CHM: variants seen among roughly 807,000 people sequenced by gnomAD.
The protein encoded by CHM is rab proteins geranylgeranyltransferase component A 1.
CHM carries 10 observed loss-of-function variants against 49.0 expected under a neutral mutation model. That is an observed-to-expected ratio of 0.20 (90% CI 0.13 to 0.35). The LOEUF (loss-of-function observed/expected upper bound fraction) is 0.35. CHM is among the 10% of genes least tolerant of loss of function. The probability of loss-of-function intolerance (pLI) is 1.00; values close to 1 mark genes in which losing one functional copy is unlikely to be tolerated. For synonymous variants in CHM, 184 were observed against 167.5 expected (o/e 1.10, Z -0.76); for missense variants, 455 against 478.4 (o/e 0.95, Z 0.46).
chrX:85,920,777 C>T (rs1421370118), intron 8 of CHM, among the ~76,000 whole-genome samples: 1 of 111,934 alleles, frequency 8.9e-6, no homozygotes, highest in African/African-American at 3.3e-5. Flanking sequence ...AGAGGTTTCT[C>T]TGTTAACCAT....
At chrX:86,008,795 G>C (rs1004828904) in intron 2 of CHM, among the ~76,000 whole-genome samples, 2 of 111,937 alleles carry the variant, frequency 1.8e-5, no homozygotes, top group Non-Finnish European at 3.8e-5. Flanking sequence ...ATACAAAAAT[G>C]AATGGACATG....
chrX:86,017,800 A>G (rs1389928143), intron 2 of CHM, among the ~76,000 whole-genome samples: 1 of 112,017 alleles, frequency 8.9e-6, no homozygotes, highest in East Asian at 2.8e-4. Context: ...TAATTACACA[A>G]GGATATCACA....
At chrX:85,970,814 C>A (rs868308941) in intron 4 of CHM, 2 of 317,713 alleles carry the variant, frequency 6.3e-6, no homozygotes, top group Non-Finnish European at 8.3e-6. Context: ...TATTAAGTAG[C>A]CCACTTATTG....
chrX:85,866,043 C>A (rs753194978), intron 14 of CHM, among the ~76,000 whole-genome samples: 25 of 112,671 alleles, frequency 2.2e-4, no homozygotes, highest in East Asian at 8.5e-4. Context: ...AAAGAAAAAA[C>A]CATTTTCTGG....
intron 1 of CHM, among the ~76,000 whole-genome samples, chrX:86,035,759 T>C (rs1934209017): frequency 9.3e-6 from 1 of 107,860 alleles, no homozygotes; most frequent in African/African-American, 3.4e-5. Flanking sequence ...AGAGAAACAG[T>C]GGAAGATACT....
chrX:85,887,051 T>C (rs1925129814), intron 12 of CHM, among the ~76,000 whole-genome samples: 1 of 107,941 alleles, frequency 9.3e-6, no homozygotes, highest in Non-Finnish European at 1.9e-5. Context: ...GAAACTTAAC[T>C]TTCTCAGTCA....
intron 9 of CHM, among the ~76,000 whole-genome samples, chrX:85,907,040 G>A (rs1926639526): frequency 1.8e-5 from 2 of 111,795 alleles, no homozygotes; most frequent in African/African-American, 6.5e-5. Flanking sequence ...TGAGGCAGGA[G>A]AATCGCTTGA....
intron 8 of CHM, among the ~76,000 whole-genome samples, chrX:85,939,974 A>G (rs1929012991): frequency 8.9e-6 from 1 of 111,896 alleles, no homozygotes; most frequent in Non-Finnish European, 1.9e-5. Context: ...ACTACTATAA[A>G]GAACTACCTG....
intron 8 of CHM, among the ~76,000 whole-genome samples, chrX:85,952,725 A>T (rs1256478260): frequency 8.8e-6 from 1 of 113,070 alleles, no homozygotes; most frequent in Non-Finnish European, 1.9e-5. Context: ...GTTAAACACC[A>T]ACTCAGACAC....
At chrX:85,902,418 C>A (rs1926341151) in intron 9 of CHM, among the ~76,000 whole-genome samples, 1 of 111,419 alleles carries the variant, frequency 9.0e-6, no homozygotes, top group Non-Finnish European at 1.9e-5. Context: ...AAATGGCATC[C>A]CACTGTTGTA....
At chrX:85,986,127 A>G (rs1931893473) in intron 2 of CHM, among the ~76,000 whole-genome samples, 1 of 110,641 alleles carries the variant, frequency 9.0e-6, no homozygotes, top group Non-Finnish European at 1.9e-5. Flanking sequence ...GGTCACACCC[A>G]CCCCCGACTG....
intron 8 of CHM, among the ~76,000 whole-genome samples, chrX:85,938,018 A>G (rs2148203730): frequency 8.9e-6 from 1 of 112,098 alleles, no homozygotes; most frequent in African/African-American, 3.2e-5. Flanking sequence ...GTTATTCCCA[A>G]ATGGGAAATA....
chrX:85,990,042 T>G (rs756630755), intron 2 of CHM, among the ~76,000 whole-genome samples: 9 of 112,073 alleles, frequency 8.0e-5, no homozygotes, highest in Non-Finnish European at 1.7e-4. Context: ...TGCATGCAAA[T>G]GTTCACTGTA....
intron 1 of CHM, among the ~76,000 whole-genome samples, chrX:86,044,022 G>GA (rs1391490581): frequency 1.1e-4 from 12 of 111,916 alleles, no homozygotes; most frequent in Non-Finnish European, 1.1e-4. Flanking sequence ...CTTTTAAAAA[G>GA]AAAAAATGCA....
In CHM at chrX:85,981,719, G is replaced by T. The variant is rs1249100307; in HGVS notation, c.189+18C>A. ...ACAATAAAACAAAGCAAATTAAAAG[G>T]TCAGATACAAACTTTACCTGGTATT... On this transcript the variant is annotated intron_variant, in intron 3 of 14. Transcript: ENST00000357749. 8 of 1,135,801 alleles carry T rather than the reference G, an allele frequency of 7.0e-6. No individual in the cohort carries two copies. Among genetic ancestry groups the T allele is most frequent in the African/African-American group, 1.8e-5 (1 of 54,822 alleles). The allele number at this position is 1,135,801 out of a possible 1,213,427, so 93.6% of individuals were successfully genotyped here.
At chrX:86,010,354 TAAA>T (rs746894699) in intron 2 of CHM, among the ~76,000 whole-genome samples, 1 of 89,299 alleles carries the variant, frequency 1.1e-5, no homozygotes, top group African/African-American at 4.0e-5. Flanking sequence ...AAAGGATAAT[TAAA>T]AAAAAAAAAA....
intron 12 of CHM, among the ~76,000 whole-genome samples, chrX:85,885,434 C>T (rs1478821378): frequency 9.1e-6 from 1 of 109,891 alleles, no homozygotes; most frequent in African/African-American, 3.3e-5. Context: ...GAAGAATTCC[C>T]ATAATTTCTC....
At chrX:85,983,757 T>C (rs1194154550) in intron 2 of CHM, among the ~76,000 whole-genome samples, 1 of 111,622 alleles carries the variant, frequency 9.0e-6, no homozygotes, top group African/African-American at 3.3e-5. Context: ...AAATCTAACA[T>C]TGGGGACAGA....
intron 8 of CHM, among the ~76,000 whole-genome samples, chrX:85,943,298 T>C (rs988211442): frequency 9.0e-6 from 1 of 111,348 alleles, no homozygotes; most frequent in African/African-American, 3.3e-5. Flanking sequence ...CAGACACTTC[T>C]CAAAAGAAGA....
Sources: allele counts gnomAD v4.1 joint callset (sites outside exome capture counted in the v4.1 genomes callset), GRCh38; gene constraint gnomAD v4.1.1; transcripts MANE v1.5; gene names NCBI Gene and HGNC (gene_info 2026-07-23, HGNC 2026-07-21).